The following LPP variants were observed in gnomAD, a reference collection of about 807,000 sequenced individuals.
The protein encoded by LPP is LIM domain containing preferred translocation partner in lipoma.
LPP carries 38 observed loss-of-function variants against 60.4 expected under a neutral mutation model. The ratio of observed to expected loss-of-function variants is 0.63; its 90% confidence interval spans 0.49 to 0.83. The LOEUF is 0.83. Ranked by LOEUF, LPP falls within the 40% of genes least tolerant of loss-of-function variation. The pLI is 0.00. For missense variants in LPP, 902 were observed against 783.6 expected, an observed-to-expected ratio of 1.15 and a Z score of -1.80; for synonymous variants, 328 against 290.8, an observed-to-expected ratio of 1.13 and a Z score of -1.30.
At chr3:188,848,494 T>C (rs1464982634) in intron 9 of LPP, among the ~76,000 whole-genome samples, 2 of 152,274 alleles carry the variant, frequency 1.3e-5, no homozygotes, top group Non-Finnish European at 2.9e-5. Flanking sequence ...GTCAAGATGC[T>C]GGAGCAAGGA....
intron 9 of LPP, among the ~76,000 whole-genome samples, chr3:188,806,416 A>C (rs529470688): frequency 1.3e-5 from 2 of 151,956 alleles, no homozygotes; most frequent in East Asian, 3.9e-4. Context: ...GTATTTTTCC[A>C]GCCTTTTGTT....
chr3:188,689,010 G>A (rs568911283), intron 7 of LPP: 128 of 431,204 alleles, frequency 3.0e-4, no homozygotes, highest in African/African-American at 2.7e-3. Flanking sequence ...AAGATTAAAC[G>A]AGAAAAGAAT....
intron 2 of LPP, among the ~76,000 whole-genome samples, chr3:188,308,876 G>A (rs923503088): frequency 1.5e-4 from 15 of 102,628 alleles, no homozygotes; most frequent in African/African-American, 3.8e-4. Flanking sequence ...TCTTGTTCTC[G>A]TTCTCGTTCT....
intron 9 of LPP, among the ~76,000 whole-genome samples, chr3:188,775,053 G>GT (rs764136747): frequency 4.3e-4 from 55 of 127,748 alleles, no homozygotes; most frequent in Middle Eastern, 8.8e-3. Context: ...TACATGCTTA[G>GT]TGTTTTTTTT....
Position 188,237,405 on chromosome 3 carries a change from G to C in LPP, c.-67+11878G>C, listed in dbSNP as rs550865332. Reference sequence around the variant, plus strand: ...TCACAAATGTTCTTAATGGCATCTAGAATGGTGAATCCTTTTTAGAAAGTT... The same window carrying C: ...TCACAAATGTTCTTAATGGCATCTACAATGGTGAATCCTTTTTAGAAAGTT... On this transcript the variant is annotated intron_variant, in intron 2 of 11. Transcript: ENST00000617246. 2.4e-4 allele frequency among the ~76,000 whole-genome samples: 36 copies of C among 152,322 alleles called. 1 individual carries two copies. In the South Asian group the frequency reaches 7.5e-3, roughly 32 times the overall value.
intron 5 of LPP, among the ~76,000 whole-genome samples, chr3:188,521,536 C>T (rs183729318): frequency 2.6e-5 from 4 of 151,936 alleles, no homozygotes; most frequent in South Asian, 2.1e-4. Context: ...TTACTAATAC[C>T]CCAAGGGAAC....
At chr3:188,717,297 G>A (rs1462979702) in intron 8 of LPP, among the ~76,000 whole-genome samples, 1 of 152,202 alleles carries the variant, frequency 6.6e-6, no homozygotes, top group East Asian at 1.9e-4. Flanking sequence ...TCTGTATAAG[G>A]AACGATGTGA....
intron 6 of LPP, among the ~76,000 whole-genome samples, chr3:188,538,759 C>T: frequency 6.6e-6 from 1 of 152,106 alleles, no homozygotes; most frequent in Middle Eastern, 3.2e-3. Flanking sequence ...TCATAACAGC[C>T]TAAAAGTGGG....
intron 4 of LPP, among the ~76,000 whole-genome samples, chr3:188,469,213 G>A (rs2149505563): frequency 6.6e-6 from 1 of 152,244 alleles, no homozygotes; most frequent in African/African-American, 2.4e-5. Flanking sequence ...TGTAAACTTT[G>A]CTATTGATCT....
At chr3:188,332,974 C>G (rs913719331) in intron 2 of LPP, among the ~76,000 whole-genome samples, 1 of 128,062 alleles carries the variant, frequency 7.8e-6, no homozygotes, top group African/African-American at 3.0e-5. Context: ...AAGGAAGCAT[C>G]AGAATCAACA....
At chr3:188,870,729 T>A (rs1393850358) in intron 10 of LPP, among the ~76,000 whole-genome samples, 1 of 152,216 alleles carries the variant, frequency 6.6e-6, no homozygotes, top group Non-Finnish European at 1.5e-5. Context: ...CCACCTGGGA[T>A]TGTGAGCCCT....
intron 3 of LPP, among the ~76,000 whole-genome samples, chr3:188,347,620 A>G (rs1764736953): frequency 6.6e-6 from 1 of 152,172 alleles, no homozygotes; most frequent in Admixed American, 6.5e-5. Context: ...ATTGAGCTTG[A>G]GACTTTTAAC....
chr3:188,694,818 C>T (rs571858194), intron 7 of LPP, among the ~76,000 whole-genome samples: 8 of 152,178 alleles, frequency 5.3e-5, no homozygotes, highest in East Asian at 3.9e-4. Flanking sequence ...CATCTTTGTG[C>T]GCAGAGAGAC....
At chr3:188,589,558 A>C (rs563674028) in intron 6 of LPP, among the ~76,000 whole-genome samples, 1 of 151,858 alleles carries the variant, frequency 6.6e-6, no homozygotes, top group Admixed American at 6.6e-5. Flanking sequence ...TATTTTGAAA[A>C]CTCGAATGCC....
At chr3:188,696,542 C>T (rs1863277432) in intron 7 of LPP, among the ~76,000 whole-genome samples, 1 of 152,038 alleles carries the variant, frequency 6.6e-6, no homozygotes, top group African/African-American at 2.4e-5. Flanking sequence ...TGAGATTATG[C>T]CACTGCTCTC....
At chr3:188,637,114 T>G (rs1354351500) in intron 7 of LPP, among the ~76,000 whole-genome samples, 2 of 150,784 alleles carry the variant, frequency 1.3e-5, no homozygotes, top group East Asian at 3.9e-4. Context: ...TACTTGGAAG[T>G]AAAGTTCTCT....
intron 3 of LPP, among the ~76,000 whole-genome samples, chr3:188,399,413 A>T (rs1469103394): frequency 6.6e-6 from 1 of 152,202 alleles, no homozygotes; most frequent in Non-Finnish European, 1.5e-5. Context: ...AAATTGTAAC[A>T]GCTTGTTTAA....
intron 4 of LPP, among the ~76,000 whole-genome samples, chr3:188,483,233 A>T (rs1805336678): frequency 6.6e-6 from 1 of 152,194 alleles, no homozygotes; most frequent in Non-Finnish European, 1.5e-5. Context: ...ACTGTTATTT[A>T]TAAGGCAAAT....
At chr3:188,570,688 T>G (rs1232198773) in intron 6 of LPP, among the ~76,000 whole-genome samples, 2 of 151,968 alleles carry the variant, frequency 1.3e-5, no homozygotes, top group Non-Finnish European at 2.9e-5. Flanking sequence ...TCTCAGTCCT[T>G]AGTTAAAAAT....
Sources: allele counts gnomAD v4.1 joint callset (sites outside exome capture counted in the v4.1 genomes callset), GRCh38; gene constraint gnomAD v4.1.1; transcripts MANE v1.5; gene names NCBI Gene and HGNC (gene_info 2026-07-23, HGNC 2026-07-21).